The following ABLIM2 variants were observed in gnomAD, a reference collection of about 807,000 sequenced individuals.
ABLIM2 encodes the protein actin binding LIM protein family member 2, also known as actin-binding LIM protein 2.
ABLIM2 carries 53 observed loss-of-function variants against 97.7 expected under a neutral mutation model. That is an observed-to-expected ratio of 0.54 (90% CI 0.44 to 0.68). The LOEUF (loss-of-function observed/expected upper bound fraction) is 0.68, where lower values mean the gene tolerates loss of function less well. Ranked by LOEUF, ABLIM2 falls within the 30% of genes least tolerant of loss-of-function variation. The pLI is 0.00. For synonymous variants in ABLIM2, 361 were observed against 345.8 expected (o/e 1.04, Z -0.49); for missense variants, 835 against 867.2 (o/e 0.96, Z 0.47).
rs953603504 is a variant in ABLIM2 at position 8,127,252 on chromosome 4, G to T, written c.11-20615C>A. Among the ~76,000 whole-genome samples, 1 of 152,174 alleles carries T rather than the reference G, an allele frequency of 6.6e-6. No homozygotes were observed. The highest frequency in any genetic ancestry group is 2.1e-4 in the South Asian group (1 of 4,830). ...CAGCTCCGATACCAGCACCGTGTGA[G>T]GTTGGATCAGACTCTTCCCGTCCCC... On this transcript the variant is annotated intron_variant, in intron 1 of 20. Coordinates refer to ENST00000447017, the MANE Select transcript of ABLIM2 (RefSeq NM_001130083.2). The surrounding 1 kb of genome is among the most constrained non-coding windows in gnomAD (Gnocchi z 7.3).
chr4:8,088,139 T>C, intron 4 of ABLIM2, 30 bp downstream of exon 4: 2 of 1,083,914 alleles, frequency 1.8e-6, no homozygotes, highest in South Asian at 1.7e-5. Context: ...ATGCCCCCAC[T>C]CAACATGCCC....
intron 5 of ABLIM2, 41 bp from the exon 6 acceptor site, chr4:8,077,762 C>G (rs778684990): frequency 5.8e-6 from 9 of 1,554,660 alleles, no homozygotes; most frequent in Middle Eastern, 1.7e-4. Context: ...GGGTGTCGCC[C>G]GAGGACCCTT....
At position 8,095,586 on chromosome 4, in the gene ABLIM2, G is replaced by A. The variant is rs921139666; in HGVS notation, c.338+1513C>T. Among the ~76,000 whole-genome samples the A allele has an allele frequency of 2.0e-5, 3 of 152,138 alleles. No individual in the cohort carries two copies. Among genetic ancestry groups the A allele is most frequent in the Non-Finnish European group, 4.4e-5 (3 of 68,028 alleles). ...AAAAATAGAGATGGGGTCTCTTTATGTTTCCCAAGCTGGTCTCCAGTTCCT... is the reference window on the plus strand; with the variant it reads ...AAAAATAGAGATGGGGTCTCTTTATATTTCCCAAGCTGGTCTCCAGTTCCT... On this transcript the variant is annotated intron_variant, in intron 3 of 20. Transcript: ENST00000447017. This position sits in a 1 kb window ranked among gnomAD's most constrained non-coding sequence, Gnocchi z 4.7.
Position 8,148,576 on chromosome 4 carries a change from G to A in ABLIM2, c.10+10104C>T, listed in dbSNP as rs1852201497. On this transcript the variant is annotated intron_variant, in intron 1 of 20. Coordinates refer to ENST00000447017, the MANE Select transcript of ABLIM2 (RefSeq NM_001130083.2). The surrounding 1 kb of genome is among the most constrained non-coding windows in gnomAD (Gnocchi z 6.7). ...GTAGTCCCGAGCAAGGAGCTCTGAT[G>A]TAAGGATTATAGGGTGAAAGCACAT... Among the ~76,000 whole-genome samples, 1 of 145,930 alleles carries A rather than the reference G, an allele frequency of 6.9e-6. No homozygotes were observed. The highest frequency in any genetic ancestry group is 1.5e-5 in the Non-Finnish European group (1 of 66,294).
chr4:8,085,908 T>C lies in ABLIM2; in HGVS notation c.454+2261A>G, dbSNP rs1310528487. 2.0e-5 allele frequency among the ~76,000 whole-genome samples: 3 copies of C among 148,998 alleles called. No individual in the cohort carries two copies. Among genetic ancestry groups the C allele is most frequent in the Admixed American group, 1.4e-4 (2 of 14,780 alleles). Reference sequence around the variant, plus strand: ...CACTTGCTTTGGAGTTGAAAGGCCTTGGCCCACCCCTCGGCACTTCCGCCC... The same window carrying C: ...CACTTGCTTTGGAGTTGAAAGGCCTCGGCCCACCCCTCGGCACTTCCGCCC... On this transcript the variant is annotated intron_variant, in intron 4 of 20. Coordinates refer to ENST00000447017, the MANE Select transcript of ABLIM2 (RefSeq NM_001130083.2). The surrounding 1 kb of genome is among the most constrained non-coding windows in gnomAD (Gnocchi z 6.1).
At chr4:8,016,717 C>T (rs1769550011) in intron 14 of ABLIM2, among the ~76,000 whole-genome samples, 1 of 152,166 alleles carries the variant, frequency 6.6e-6, no homozygotes, top group African/African-American at 2.4e-5. Context: ...GTAACCTCAC[C>T]AGAAATTCCT....
At position 8,003,989 on chromosome 4, in the gene ABLIM2, G is replaced by A. The variant is rs1341202357; in HGVS notation, c.1618+4070C>T. ...ACGAGATTGACAGTAGCACGTCAGG[G>A]AGGCTCTTCCTTCGACCACGGACTA... On this transcript the variant is annotated intron_variant, in intron 16 of 20. Transcript: ENST00000447017. The surrounding 1 kb of genome is among the most constrained non-coding windows in gnomAD (Gnocchi z 4.2). Among the ~76,000 whole-genome samples the A allele has an allele frequency of 6.6e-6, 1 of 152,136 alleles. No homozygotes were observed. The highest frequency in any genetic ancestry group is 1.5e-5 in the Non-Finnish European group (1 of 68,036).
Position 8,097,189 on chromosome 4 carries a change from C to G in ABLIM2, c.248G>C (p.Cys83Ser). ...LDYQRLYGTR[C>S]FSCDQFIEGE... Reference sequence around the variant, plus strand: ...CTCAATGAACTGGTCGCAGCTGAAGCAGCGGGTGCCGTAGAGCCTCTGGTA... The same window carrying G: ...CTCAATGAACTGGTCGCAGCTGAAGGAGCGGGTGCCGTAGAGCCTCTGGTA... The change falls in exon 3 of 21, where the codon TGC (cysteine) becomes TCC (serine). Residue 83 changes from cysteine (C) to serine (S), a missense_variant. Coordinates refer to ENST00000447017, the MANE Select transcript of ABLIM2 (RefSeq NM_001130083.2). 1.2e-6 allele frequency: 2 copies of G among 1,600,384 alleles called. No homozygotes were observed. Among genetic ancestry groups the G allele is most frequent in the Non-Finnish European group, 8.5e-7 (1 of 1,173,952 alleles).
chr4:8,060,333 G>A (rs4696667), intron 7 of ABLIM2, among the ~76,000 whole-genome samples: 150,986 of 152,346 alleles, frequency 0.99, 74,822 homozygotes, highest in Middle Eastern at 1. Flanking sequence ...CCCACAGGAC[G>A]CCCCGCCTTT....
In ABLIM2 at chr4:8,072,628, G is replaced by T. The variant is rs1813019999; in HGVS notation, c.675+5000C>A. 6.6e-6 allele frequency among the ~76,000 whole-genome samples: 1 copy of T among 152,242 alleles called. No homozygotes were observed. The highest frequency in any genetic ancestry group is 1.5e-5 in the Non-Finnish European group (1 of 68,044). On this transcript the variant is annotated intron_variant, in intron 6 of 20. Coordinates refer to ENST00000447017, the MANE Select transcript of ABLIM2 (RefSeq NM_001130083.2). This position sits in a 1 kb window ranked among gnomAD's most constrained non-coding sequence, Gnocchi z 5.8. Reference sequence around the variant, plus strand: ...ACCAGGAGAAGACAAAGGGTTGGGGGAAACCTGCGCACCCCGGGCTCCAGT... The same window carrying T: ...ACCAGGAGAAGACAAAGGGTTGGGGTAAACCTGCGCACCCCGGGCTCCAGT...
At chr4:7,977,125 G>A (rs1734131245) in intron 20 of ABLIM2, among the ~76,000 whole-genome samples, 1 of 152,154 alleles carries the variant, frequency 6.6e-6, no homozygotes. Flanking sequence ...GATAGAGAGT[G>A]AGTTCTCACG....
In ABLIM2 at chr4:8,127,651, G is replaced by C. The variant is rs993754200; in HGVS notation, c.11-21014C>G. On this transcript the variant is annotated intron_variant, in intron 1 of 20. Transcript: ENST00000447017. The surrounding 1 kb of genome is among the most constrained non-coding windows in gnomAD (Gnocchi z 7.3). ...CTGGGCCTGGCACCCACGGAGGATC[G>C]GGCAGGAGTGGACCGGGGAAGAGCC... 2 of 1,284,474 alleles carry C rather than the reference G, an allele frequency of 1.6e-6. No homozygotes were observed. Among genetic ancestry groups the C allele is most frequent in the Non-Finnish European group, 2.0e-6 (2 of 984,924 alleles). 79.6% of individuals were successfully genotyped at this position (1,284,474 alleles called of 1,614,324 possible).
In ABLIM2 at chr4:7,999,118, T is replaced by C. The variant is rs1755386605; in HGVS notation, c.1619-6191A>G. Among the ~76,000 whole-genome samples, 1 of 152,058 alleles carries C rather than the reference T, an allele frequency of 6.6e-6. No homozygotes were observed. The highest frequency in any genetic ancestry group is 1.5e-5 in the Non-Finnish European group (1 of 68,004). The stretch of plus-strand genomic sequence containing the variant: ...TTTGTTCTTGTTCCCCGGGCTGGAG[T>C]ACAATGGCGTGATCTTGGCTCACTG... On this transcript the variant is annotated intron_variant, in intron 16 of 20. Transcript: ENST00000447017. The surrounding 1 kb of genome is among the most constrained non-coding windows in gnomAD (Gnocchi z 4.4).
At chr4:8,056,931 C>CAAA (rs10584281) in intron 7 of ABLIM2, among the ~76,000 whole-genome samples, 2 of 43,098 alleles carry the variant, frequency 4.6e-5, no homozygotes, top group African/African-American at 1.1e-4. Context: ...AACTCCGTCT[C>CAAA]AAAAAAAAAA....
At chr4:7,989,476 G>C (rs1426175940) in intron 17 of ABLIM2, 5 of 977,032 alleles carry the variant, frequency 5.1e-6, no homozygotes, top group Non-Finnish European at 6.1e-6. Flanking sequence ...GTGCATTTAA[G>C]TTGATGAATG....
rs1179592428 is a variant in ABLIM2 at position 8,132,001 on chromosome 4, AGCAGCCCGCATCCCCTGCACG to A, written c.11-25385_11-25365del. Among the ~76,000 whole-genome samples, 15 of 143,362 alleles carry A rather than the reference AGCAGCCCGCATCCCCTGCACG, an allele frequency of 1.0e-4. No homozygotes were observed. The highest frequency in any genetic ancestry group is 8.7e-4 in the Admixed American group (13 of 14,870). The allele number at this position is 143,362 out of a possible 152,430, so 94.1% of individuals were successfully genotyped here. On this transcript the variant is annotated intron_variant, in intron 1 of 20. Transcript: ENST00000447017. This position sits in a 1 kb window ranked among gnomAD's most constrained non-coding sequence, Gnocchi z 8.0. ...GCACGGCAGCCCGCATCCCCTGCACAGCAGCCCGCATCCCCTGCACGGCAGCCTGCATCCCCGAGCACAGCT... is the reference window on the plus strand; with the variant it reads ...GCACGGCAGCCCGCATCCCCTGCACAGCAGCCTGCATCCCCGAGCACAGCT...
Position 8,105,795 on chromosome 4 carries a change from C to T in ABLIM2, c.154+699G>A, listed in dbSNP as rs551135883. The stretch of plus-strand genomic sequence containing the variant: ...ATTGGTTTGATTTGCACATCCCTTC[C>T]TCCAGTGCTATTTTTAATCTATTTT... On this transcript the variant is annotated intron_variant, in intron 2 of 20. Transcript: ENST00000447017. Among the ~76,000 whole-genome samples the T allele has an allele frequency of 3.4e-4, 52 of 152,362 alleles. No individual in the cohort carries two copies. The South Asian group carries it at 7.7e-3, about 22-fold the overall frequency.
rs532331317 is a variant in ABLIM2 at position 8,112,295 on chromosome 4, G to A, written c.11-5658C>T. Among the ~76,000 whole-genome samples the A allele has an allele frequency of 3.3e-5, 5 of 152,248 alleles. No homozygotes were observed. The highest frequency in any genetic ancestry group is 1.2e-4 in the African/African-American group (5 of 41,472). On this transcript the variant is annotated intron_variant, in intron 1 of 20. Transcript: ENST00000447017. This position sits in a 1 kb window ranked among gnomAD's most constrained non-coding sequence, Gnocchi z 4.2. Reference sequence around the variant, plus strand: ...CCAGAATGGGAGCCAGCAGGGTCCGGTTTGGACCCACCATCCAGGGGCAGC... The same window carrying A: ...CCAGAATGGGAGCCAGCAGGGTCCGATTTGGACCCACCATCCAGGGGCAGC...
In ABLIM2 at chr4:8,054,489, G is replaced by T. The variant is rs1198544862; in HGVS notation, c.764-243C>A. ...TGGGACGGAGGCAGCAAACAAACAG[G>T]GAAATGGCTGCTGTGCACTAACTGC... On this transcript the variant is annotated intron_variant, in intron 7 of 20. Transcript: ENST00000447017. This position sits in a 1 kb window ranked among gnomAD's most constrained non-coding sequence, Gnocchi z 4.9. Among the ~76,000 whole-genome samples the T allele has an allele frequency of 1.3e-5, 2 of 152,242 alleles. No individual in the cohort carries two copies. The highest frequency in any genetic ancestry group is 1.3e-4 in the Admixed American group (2 of 15,292).
Sources: gnomAD v4.1 joint callset for allele counts (sites outside exome capture counted in the v4.1 genomes callset) on GRCh38, gnomAD v4.1.1 for gene constraint, Gnocchi (gnomAD v3.1) non-coding constraint, MANE v1.5 for transcripts, NCBI Gene and HGNC (gene_info 2026-07-23, HGNC 2026-07-21) for gene names.